MKX: variants seen among roughly 807,000 people sequenced by gnomAD.
MKX encodes homeobox protein Mohawk.
Under a neutral mutation model 36.0 loss-of-function variants are expected in MKX, and 13 were observed. The observed-to-expected ratio is 0.36, with a 90% CI of 0.24 to 0.57. The LOEUF (loss-of-function observed/expected upper bound fraction) is 0.57. MKX is among the 20% of genes least tolerant of loss of function. MKX has a pLI of 0.79. For synonymous variants in MKX, 176 were observed against 178.3 expected, an observed-to-expected ratio of 0.99 and a Z score of 0.10; for missense variants, 458 against 456.4, an observed-to-expected ratio of 1.00 and a Z score of -0.03.
intron 5 of MKX, among the ~76,000 whole-genome samples, chr10:27,719,323 A>G (rs552567045): frequency 6.6e-6 from 1 of 152,280 alleles, no homozygotes; most frequent in Non-Finnish European, 1.5e-5. Context: ...AGATGTTCCA[A>G]GTGCACAGTT....
At chr10:27,715,270 G>A (rs1836943743) in intron 5 of MKX, among the ~76,000 whole-genome samples, 1 of 152,192 alleles carries the variant, frequency 6.6e-6, no homozygotes. Context: ...GATGTTCAGT[G>A]TTCTCTCCTG....
rs762056002 is a variant in MKX at position 27,735,343 on chromosome 10, C to A, written c.380G>T (p.Arg127Leu). The change falls in exon 4 of 7, where the codon CGG becomes CTG. Residue 127 changes from arginine (R) to leucine (L), a missense_variant. Transcript: ENST00000419761. ...TGGCTGTCGAACGGTATTCTTAAGC[C>A]GACGTCTTGCATTAGCAAACCAATT... ...VSNWFANARR[R>L]LKNTVRQPDL... 1 of 1,612,912 alleles carries A rather than the reference C, an allele frequency of 6.2e-7. No homozygotes were observed. Among genetic ancestry groups the A allele is most frequent in the Non-Finnish European group, 8.5e-7 (1 of 1,179,634 alleles).
intron 5 of MKX, among the ~76,000 whole-genome samples, chr10:27,701,708 G>GTATATGACATATTTATATTT (rs1836659704): frequency 7.2e-6 from 1 of 139,324 alleles, no homozygotes; most frequent in Admixed American, 7.3e-5. Context: ...TATTTATATT[G>GTATATGACATATTTATATTT]TATATGACAT....
intron 5 of MKX, among the ~76,000 whole-genome samples, chr10:27,676,857 A>C (rs1374188697): frequency 6.6e-6 from 1 of 152,192 alleles, no homozygotes; most frequent in African/African-American, 2.4e-5. Context: ...AGGAAATGAA[A>C]GTTAGGATGC....
At chr10:27,711,447 C>A (rs1192157445) in intron 5 of MKX, among the ~76,000 whole-genome samples, 1 of 9,384 alleles carries the variant, frequency 1.1e-4, no homozygotes. Context: ...TTCTTTCTTT[C>A]TTTCTTTCTT....
chr10:27,698,316 C>G (rs559037213), intron 5 of MKX, among the ~76,000 whole-genome samples: 1 of 152,214 alleles, frequency 6.6e-6, no homozygotes, highest in South Asian at 2.1e-4. Context: ...ATAATAGGAT[C>G]AGATTTGGAT....
At chr10:27,697,497 C>T (rs1176103528) in intron 5 of MKX, among the ~76,000 whole-genome samples, 1 of 152,050 alleles carries the variant, frequency 6.6e-6, no homozygotes, top group Non-Finnish European at 1.5e-5. Context: ...CAAAACAATC[C>T]CCAATTTATA....
chr10:27,719,708 G>T (rs1039723118), intron 5 of MKX, among the ~76,000 whole-genome samples: 3 of 152,090 alleles, frequency 2.0e-5, no homozygotes, highest in Non-Finnish European at 4.4e-5. Flanking sequence ...ATAGGGCCAG[G>T]CATGTTGGCT....
chr10:27,717,654 T>C (rs1309768048), intron 5 of MKX, among the ~76,000 whole-genome samples: 1 of 152,228 alleles, frequency 6.6e-6, no homozygotes, highest in African/African-American at 2.4e-5. Context: ...AATTCCCCTA[T>C]TCCCAGGGAA....
At chr10:27,698,563 G>A (rs148299543) in intron 5 of MKX, among the ~76,000 whole-genome samples, 199 of 152,244 alleles carry the variant, frequency 1.3e-3, no homozygotes, top group Admixed American at 2.1e-3. Context: ...TGGGTGACTG[G>A]GTGGTCGGCA....
chr10:27,739,394 A>C (rs1010582268), intron 3 of MKX, among the ~76,000 whole-genome samples: 4 of 152,136 alleles, frequency 2.6e-5, no homozygotes, highest in Admixed American at 2.0e-4. Flanking sequence ...TATTATAAAA[A>C]TTATCTTACC....
rs548367260 is a variant in MKX at position 27,672,879 on chromosome 10, G to T, written c.*2350C>A. 2 of 152,240 alleles carry T rather than the reference G, an allele frequency of 1.3e-5. No homozygotes were observed. The highest frequency in any genetic ancestry group is 3.9e-4 in the East Asian group (2 of 5,184). The allele number at this position is 152,240 out of a possible 1,614,324, so 9.4% of individuals were successfully genotyped here. ...AAACAAAATCCATACGATCATCGAG[G>T]TCTAGAAATTAACTTTTATTTTAAA... is the stretch of plus-strand genomic sequence containing the variant. On this transcript the variant is annotated 3_prime_UTR_variant, in exon 7 of 7. Transcript: ENST00000419761.
chr10:27,685,175 C>T (rs1347399356), intron 5 of MKX, among the ~76,000 whole-genome samples: 1 of 152,114 alleles, frequency 6.6e-6, no homozygotes, highest in African/African-American at 2.4e-5. Flanking sequence ...ATGGCATTAT[C>T]CAAGTAACCT....
In MKX at chr10:27,742,721, G is replaced by C. The variant is rs1834932748; in HGVS notation, c.188+507C>G. Reference sequence around the variant, plus strand: ...GCGGGCCCAGCCGAGCCGCGCTCACGCCCGGGACTCCCTGGCGGGAGGCGA... The same window carrying C: ...GCGGGCCCAGCCGAGCCGCGCTCACCCCCGGGACTCCCTGGCGGGAGGCGA... On this transcript the variant is annotated intron_variant, in intron 2 of 6. Transcript: ENST00000419761. This position sits in a 1 kb window ranked among gnomAD's most constrained non-coding sequence, Gnocchi z 4.2. 6.6e-6 allele frequency among the ~76,000 whole-genome samples: 1 copy of C among 151,838 alleles called. No individual in the cohort carries two copies. Among genetic ancestry groups the C allele is most frequent in the Admixed American group, 6.5e-5 (1 of 15,278 alleles).
intron 5 of MKX, among the ~76,000 whole-genome samples, chr10:27,694,887 CT>C (rs200916547): frequency 0.011 from 1,490 of 137,342 alleles, 8 homozygotes; most frequent in African/African-American, 0.02. Flanking sequence ...AACAAATTGC[CT>C]TTTTTTTTTT....
chr10:27,740,440 A>T (rs928576533), intron 3 of MKX, among the ~76,000 whole-genome samples: 1 of 152,232 alleles, frequency 6.6e-6, no homozygotes, highest in Non-Finnish European at 1.5e-5. Context: ...ACATGACGGG[A>T]AGAGCATTTG....
chr10:27,725,673 CA>C (rs77841873), intron 5 of MKX, among the ~76,000 whole-genome samples: 317 of 131,174 alleles, frequency 2.4e-3, no homozygotes, highest in Admixed American at 3.0e-3. Context: ...CTGCAACTAA[CA>C]AAAAAAAAAA....
Position 27,734,675 on chromosome 10 carries a change from G to T in MKX, c.619C>A (p.Arg207=). 6.2e-7 allele frequency: 1 copy of T among 1,614,084 alleles called. No homozygotes were observed. Among genetic ancestry groups the T allele is most frequent in the South Asian group, 1.1e-5 (1 of 91,072 alleles). Residue 207 remains arginine, a synonymous_variant, in exon 5 of 7, where the codon CGG becomes AGG. Coordinates refer to ENST00000419761, the MANE Select transcript of MKX (RefSeq NM_173576.3). The part of the protein sequence containing the change: ...VIKAGVRPES[R]ASEDYVAPPK... ...GGTGCCACGTAGTCCTCACTGGCCC[G>T]TGACTCTGGCCTCACTCCCGCTTTG...
At chr10:27,722,670 G>A (rs1220839316) in intron 5 of MKX, among the ~76,000 whole-genome samples, 1 of 152,176 alleles carries the variant, frequency 6.6e-6, no homozygotes, top group Admixed American at 6.5e-5. Context: ...AGGTAAGGAG[G>A]TTGGTTGGAG....
Sources: gnomAD v4.1 joint callset for allele counts (sites outside exome capture counted in the v4.1 genomes callset) on GRCh38, gnomAD v4.1.1 for gene constraint, Gnocchi (gnomAD v3.1) non-coding constraint, MANE v1.5 for transcripts, NCBI Gene and HGNC (gene_info 2026-07-23, HGNC 2026-07-21) for gene names.